Variants in EPHA5 observed in about 807,000 individuals in gnomAD.
The protein encoded by EPHA5 is ephrin type-A receptor 5.
In EPHA5, 60 loss-of-function variants were observed where a neutral mutation model predicts 105.0. The ratio of observed to expected loss-of-function variants is 0.57; its 90% confidence interval spans 0.46 to 0.71. The LOEUF is 0.71. Among genes scored for constraint, EPHA5 ranks in the 30% least tolerant of loss-of-function variants. The pLI, the probability that EPHA5 is intolerant of heterozygous loss-of-function variation, is 0.00. For missense variants in EPHA5, 1,218 were observed against 1,274.7 expected, an observed-to-expected ratio of 0.96 and a Z score of 0.68; for synonymous variants, 513 against 449.1, an observed-to-expected ratio of 1.14 and a Z score of -1.80.
At chr4:65,561,326 C>T (rs6826193) in intron 3 of EPHA5, among the ~76,000 whole-genome samples, 78,241 of 151,876 alleles carry the variant, frequency 0.52, 20,469 homozygotes, top group African/African-American at 0.54. Flanking sequence ...CACTTTATTA[C>T]GCAATCTGCC....
intron 1 of EPHA5, 57 bp from the exon 2 acceptor site, chr4:65,643,484 CT>C (rs1272136498): frequency 1.0e-5 from 14 of 1,382,224 alleles, no homozygotes; most frequent in South Asian, 8.4e-5. Flanking sequence ...AATATTGTAT[CT>C]CTATTTTAAT....
intron 3 of EPHA5, among the ~76,000 whole-genome samples, chr4:65,510,697 T>C (rs573145153): frequency 2.0e-5 from 3 of 152,154 alleles, no homozygotes; most frequent in Non-Finnish European, 4.4e-5. Context: ...CAATGGTCAT[T>C]GAGTTTTAGC....
rs1343416095 is a variant in EPHA5, at chr4:65,461,655, T to C, written c.1402+28722A>G. Among the ~76,000 whole-genome samples, 3 of 152,056 alleles carry C rather than the reference T, an allele frequency of 2.0e-5. No individual in the cohort carries two copies. In the East Asian group the frequency reaches 5.8e-4, roughly 29 times the overall value. ...AATCAAGCTATCTAGCTTATAAAGC[T>C]GTAAGTCATGACTTTCATAAAAGAT... is the stretch of plus-strand genomic sequence containing the variant. On this transcript the variant is annotated intron_variant, in intron 5 of 16. Coordinates refer to ENST00000613740, the MANE Select transcript of EPHA5 (RefSeq NM_001281766.3).
At chr4:65,434,534 T>C (rs1725294158) in intron 5 of EPHA5, among the ~76,000 whole-genome samples, 1 of 152,198 alleles carries the variant, frequency 6.6e-6, no homozygotes, top group Admixed American at 6.6e-5. Context: ...TTAAACATAG[T>C]TAGCAAATTA....
At chr4:65,347,805 T>C (rs911256548) in intron 14 of EPHA5, among the ~76,000 whole-genome samples, 1 of 152,152 alleles carries the variant, frequency 6.6e-6, no homozygotes. Flanking sequence ...GAAACATCAC[T>C]ACAGTACAGC....
chr4:65,454,136 C>T (rs368936954), intron 5 of EPHA5, among the ~76,000 whole-genome samples: 1 of 151,950 alleles, frequency 6.6e-6, no homozygotes, highest in South Asian at 2.1e-4. Context: ...CAAAATTAGC[C>T]GGGCATGGTG....
intron 3 of EPHA5, among the ~76,000 whole-genome samples, chr4:65,496,119 A>C (rs139696083): frequency 0.011 from 1,690 of 152,220 alleles, 34 homozygotes; most frequent in African/African-American, 0.038. Flanking sequence ...CATTTACTTC[A>C]TTTTAGAACT....
intron 14 of EPHA5, among the ~76,000 whole-genome samples, chr4:65,344,466 G>A (rs1410248723): frequency 1.3e-5 from 2 of 152,098 alleles, no homozygotes; most frequent in East Asian, 1.9e-4. Flanking sequence ...TCCTTATAAC[G>A]TGGATGATCT....
At chr4:65,350,545 A>G (rs369800423) in intron 13 of EPHA5, among the ~76,000 whole-genome samples, 19 of 152,224 alleles carry the variant, frequency 1.2e-4, no homozygotes, top group Middle Eastern at 3.4e-3. Context: ...GGTTTTAGAC[A>G]TTGAGGATAT....
At chr4:65,634,321 A>G (rs1013912967) in intron 2 of EPHA5, among the ~76,000 whole-genome samples, 1 of 152,152 alleles carries the variant, frequency 6.6e-6, no homozygotes, top group African/African-American at 2.4e-5. Context: ...TAATGCATGT[A>G]TATCTCAATC....
chr4:65,589,788 A>C (rs58408114), intron 3 of EPHA5, among the ~76,000 whole-genome samples: 2,367 of 152,298 alleles, frequency 0.016, 59 homozygotes, highest in African/African-American at 0.054. Flanking sequence ...AGGACCAAGT[A>C]ATTATGTTGC....
chr4:65,568,950 T>C (rs1739838644), intron 3 of EPHA5, among the ~76,000 whole-genome samples: 1 of 151,072 alleles, frequency 6.6e-6, no homozygotes, highest in Non-Finnish European at 1.5e-5. Flanking sequence ...TATCATAGAG[T>C]TTTTAAACAT....
intron 7 of EPHA5, among the ~76,000 whole-genome samples, chr4:65,410,002 A>T (rs1293421922): frequency 6.6e-6 from 1 of 152,228 alleles, no homozygotes; most frequent in Non-Finnish European, 1.5e-5. Flanking sequence ...ACATGTTGGC[A>T]GTTTCTTACA....
At chr4:65,448,459 C>T (rs1726770816) in intron 5 of EPHA5, among the ~76,000 whole-genome samples, 1 of 152,082 alleles carries the variant, frequency 6.6e-6, no homozygotes, top group Admixed American at 6.6e-5. Context: ...AGTAGCCTGG[C>T]CAATATGGCG....
intron 5 of EPHA5, among the ~76,000 whole-genome samples, chr4:65,489,407 T>C (rs1731196890): frequency 6.6e-6 from 1 of 152,194 alleles, no homozygotes; most frequent in Non-Finnish European, 1.5e-5. Context: ...TTGTGAGTAC[T>C]GGTGGCAAGG....
intron 8 of EPHA5, among the ~76,000 whole-genome samples, chr4:65,388,012 C>T (rs1471474921): frequency 5.7e-5 from 7 of 122,712 alleles, no homozygotes; most frequent in Non-Finnish European, 9.7e-5. Flanking sequence ...GTTCCCCTTC[C>T]TGTGTCCATG....
intron 3 of EPHA5, among the ~76,000 whole-genome samples, chr4:65,525,199 A>T (rs1250131975): frequency 6.6e-6 from 1 of 151,898 alleles, no homozygotes; most frequent in East Asian, 1.9e-4. Context: ...TAATAATATT[A>T]AAAGCTATAT....
chr4:65,429,944 C>T (rs1056055723), intron 5 of EPHA5, among the ~76,000 whole-genome samples: 1 of 151,962 alleles, frequency 6.6e-6, no homozygotes, highest in African/African-American at 2.4e-5. Context: ...AGCATCATTT[C>T]TAACAGCAAC....
At chr4:65,517,719 T>C (rs537603066) in intron 3 of EPHA5, among the ~76,000 whole-genome samples, 1 of 151,952 alleles carries the variant, frequency 6.6e-6, no homozygotes, top group African/African-American at 2.4e-5. Context: ...TATGTTATTC[T>C]TCAGGTGGAA....
Sources: gnomAD v4.1 joint callset for allele counts (sites outside exome capture counted in the v4.1 genomes callset) on GRCh38, gnomAD v4.1.1 for gene constraint, MANE v1.5 for transcripts, NCBI Gene and HGNC (gene_info 2026-07-23, HGNC 2026-07-21) for gene names.